Variants in KATNIP observed in about 807,000 individuals in gnomAD.
KATNIP encodes the protein katanin-interacting protein.
Under a neutral mutation model 174.0 loss-of-function variants are expected in KATNIP, and 126 were observed. The observed-to-expected ratio is 0.72, with a 90% confidence interval of 0.63 to 0.84. The LOEUF is 0.84. KATNIP is among the 40% of genes least tolerant of loss of function. The probability of loss-of-function intolerance (pLI) is 0.00; values close to 1 mark genes in which losing one functional copy is unlikely to be tolerated. For synonymous variants in KATNIP, 810 were observed against 835.7 expected, an observed-to-expected ratio of 0.97 and a Z score of 0.53; for missense variants, 1,958 against 2,109.7, an observed-to-expected ratio of 0.93 and a Z score of 1.41.
At chr16:27,603,775 C>T (rs186368504) in intron 2 of KATNIP, among the ~76,000 whole-genome samples, 105 of 149,714 alleles carry the variant, frequency 7.0e-4, no homozygotes, top group Non-Finnish European at 1.0e-3. Context: ...GTCCCTCTGT[C>T]GCCTAGGCTG....
chr16:27,708,283 A>G (rs2079412009), intron 12 of KATNIP: 1 of 155,658 alleles, frequency 6.4e-6, no homozygotes, highest in African/African-American at 2.4e-5. Context: ...TTGGCCTCTC[A>G]AAGTGTTGGG....
intron 6 of KATNIP, among the ~76,000 whole-genome samples, chr16:27,662,294 A>ACTAC (rs1471625613): frequency 6.6e-6 from 1 of 151,464 alleles, no homozygotes; most frequent in Non-Finnish European, 1.5e-5. Flanking sequence ...TGGCCTTTAG[A>ACTAC]CTACCAACTT....
chr16:27,721,584 C>G lies in KATNIP; in HGVS notation c.1632C>G (p.Thr544=). Residue 544 remains threonine (T), a synonymous_variant, in exon 14 of 28, where the codon ACC becomes ACG. Coordinates refer to ENST00000261588, the MANE Select transcript of KATNIP (RefSeq NM_015202.5). ...LAGKKDSSPW[T]CPFHPPLQLF... is the part of the protein sequence containing the mutation. ...GCAAGAAAGACTCCTCCCCGTGGACCTGCCCCTTCCACCCACCACTCCAGC... is the reference window on the plus strand; with the variant it reads ...GCAAGAAAGACTCCTCCCCGTGGACGTGCCCCTTCCACCCACCACTCCAGC... 6.2e-7 allele frequency: 1 copy of G among 1,614,172 alleles called. No homozygotes were observed. The highest frequency in any genetic ancestry group is 1.1e-5 in the South Asian group (1 of 91,088).
rs191660443 is a variant in KATNIP at position 27,599,811 on chromosome 16, G to T, written c.64-18614G>T. On this transcript the variant is annotated intron_variant, in intron 2 of 27. Transcript: ENST00000261588. ...GCAGAACTCCTGCCGTGGGCACGCG[G>T]TGTTTGTGGTCCATCCGCCTCAGTC... Among the ~76,000 whole-genome samples the T allele has an allele frequency of 2.2e-4, 33 of 152,314 alleles. 1 individual carries two copies. Among genetic ancestry groups the T allele is most frequent in the Admixed American group, 6.5e-4 (10 of 15,302 alleles).
At chr16:27,705,859 G>A (rs370105901) in intron 12 of KATNIP, among the ~76,000 whole-genome samples, 1 of 152,010 alleles carries the variant, frequency 6.6e-6, no homozygotes, top group Admixed American at 6.6e-5. Flanking sequence ...AAAAAATTTT[G>A]TAGAGATGAA....
rs562953975 is a variant in KATNIP at position 27,639,675 on chromosome 16, G to A, written c.408+8513G>A. ...TCCTGTTGTGGCCTGTGCAGCTTCA[G>A]CACCTTCAGAAAATCTCACAAGTAA... On this transcript the variant is annotated intron_variant, in intron 5 of 27. Transcript: ENST00000261588. Among the ~76,000 whole-genome samples the A allele has an allele frequency of 2.2e-4, 33 of 152,300 alleles. 1 individual carries two copies. In the South Asian group the frequency reaches 6.2e-3, roughly 29 times the overall value.
intron 2 of KATNIP, among the ~76,000 whole-genome samples, chr16:27,581,373 A>G (rs2090691313): frequency 6.6e-6 from 1 of 152,218 alleles, no homozygotes; most frequent in South Asian, 2.1e-4. Flanking sequence ...TTTCCAATTC[A>G]TCTTTTAACA....
intron 2 of KATNIP, among the ~76,000 whole-genome samples, chr16:27,614,451 G>A (rs2075984734): frequency 6.6e-6 from 1 of 152,154 alleles, no homozygotes; most frequent in East Asian, 1.9e-4. Flanking sequence ...GTCAGCCACC[G>A]TGCCTGGCCA....
At chr16:27,671,988 G>A (rs1383552759) in intron 6 of KATNIP, among the ~76,000 whole-genome samples, 6 of 152,132 alleles carry the variant, frequency 3.9e-5, no homozygotes, top group Admixed American at 2.0e-4. Context: ...CCCGGAAGGC[G>A]GAGGTTGCAG....
chr16:27,716,591 C>A (rs2079948855), intron 13 of KATNIP, among the ~76,000 whole-genome samples: 1 of 152,110 alleles, frequency 6.6e-6, no homozygotes, highest in Non-Finnish European at 1.5e-5. Flanking sequence ...GTATAATGTA[C>A]AGACCTTCAT....
At chr16:27,580,415 T>C (rs2090652698) in intron 2 of KATNIP, among the ~76,000 whole-genome samples, 12 of 152,220 alleles carry the variant, frequency 7.9e-5, no homozygotes, top group Admixed American at 7.9e-4. Flanking sequence ...GCCTGGTCCT[T>C]GTTGCTGTCT....
chr16:27,669,343 G>A, intron 6 of KATNIP: 1 of 982,146 alleles, frequency 1.0e-6, no homozygotes, highest in Non-Finnish European at 1.2e-6. Flanking sequence ...ACCCATTTGT[G>A]TGCAGTCCCT....
intron 5 of KATNIP, among the ~76,000 whole-genome samples, chr16:27,642,559 G>C (rs2076831888): frequency 6.6e-6 from 1 of 152,084 alleles, no homozygotes; most frequent in Non-Finnish European, 1.5e-5. Context: ...CCCGGTTTTG[G>C]TTATATGTTC....
chr16:27,713,369 C>T (rs1446797540), intron 13 of KATNIP, among the ~76,000 whole-genome samples: 1 of 151,898 alleles, frequency 6.6e-6, no homozygotes, highest in African/African-American at 2.4e-5. Flanking sequence ...TTGACTGTGT[C>T]CCCACCCAAA....
At chr16:27,663,571 G>A (rs796739701) in intron 6 of KATNIP, among the ~76,000 whole-genome samples, 10 of 150,706 alleles carry the variant, frequency 6.6e-5, no homozygotes, top group Admixed American at 4.0e-4. Flanking sequence ...GTCTCACCCC[G>A]CCAAGTAGCT....
chr16:27,703,412 A>C (rs2079176572), intron 11 of KATNIP, among the ~76,000 whole-genome samples: 1 of 152,228 alleles, frequency 6.6e-6, no homozygotes. Flanking sequence ...AGCAGAGCAG[A>C]TCTCCAGCCC....
intron 2 of KATNIP, among the ~76,000 whole-genome samples, chr16:27,611,924 G>A (rs779555015): frequency 3.3e-5 from 5 of 152,162 alleles, no homozygotes; most frequent in Non-Finnish European, 5.9e-5. Context: ...GTGAGTAGGG[G>A]AGAGAATGGC....
At chr16:27,574,071 C>T (rs760193400) in intron 2 of KATNIP, 115 bp downstream of exon 2, 3 of 886,676 alleles carry the variant, frequency 3.4e-6, no homozygotes, top group South Asian at 1.5e-5. Flanking sequence ...GGGTCCCAAG[C>T]TTGAATCCTG....
chr16:27,622,423 C>A (rs2076223290), intron 3 of KATNIP, among the ~76,000 whole-genome samples: 1 of 152,118 alleles, frequency 6.6e-6, no homozygotes, highest in Admixed American at 6.5e-5. Context: ...TGTCACTCAA[C>A]CTCATGAAAG....
Sources: allele counts gnomAD v4.1 joint callset (sites outside exome capture counted in the v4.1 genomes callset), GRCh38; gene constraint gnomAD v4.1.1; transcripts MANE v1.5; gene names NCBI Gene and HGNC (gene_info 2026-07-23, HGNC 2026-07-21).